Variants in ICE1 observed in about 807,000 individuals in gnomAD.
ICE1 encodes little elongation complex subunit 1.
Under a neutral mutation model 192.7 loss-of-function variants are expected in ICE1, and 64 were observed. That is an observed-to-expected ratio of 0.33 (90% confidence interval 0.27 to 0.41). ICE1 has a LOEUF of 0.41. ICE1 is among the 10% of genes least tolerant of loss of function. ICE1 has a pLI of 1.00. For missense variants in ICE1, 2,708 were observed against 2,696.0 expected (o/e 1.00, Z -0.10); for synonymous variants, 1,010 against 984.5 (o/e 1.03, Z -0.49).
chr5:5,444,803 C>T (rs1420957444), intron 7 of ICE1, among the ~76,000 whole-genome samples: 2 of 152,154 alleles, frequency 1.3e-5, no homozygotes, highest in Admixed American at 6.5e-5. Context: ...CTCACCCGTG[C>T]CTCACCCTCT....
At chr5:5,429,333 A>G (rs576746337) in intron 1 of ICE1, among the ~76,000 whole-genome samples, 1 of 152,196 alleles carries the variant, frequency 6.6e-6, no homozygotes, top group Non-Finnish European at 1.5e-5. Flanking sequence ...AATGATGGGA[A>G]GGAACTCTCC....
chr5:5,457,542 A>T lies in ICE1; in HGVS notation c.902A>T (p.Asn301Ile). The change falls in exon 12 of 19, where the codon AAT (asparagine) becomes ATT (isoleucine). Residue 301 changes from asparagine (N) to isoleucine (I), a missense_variant. Asn to Ile is a moderately radical substitution (Grantham distance 149, BLOSUM62 -3). Coordinates refer to ENST00000296564, the MANE Select transcript of ICE1 (RefSeq NM_015325.3). ...NCSSDHVFNE[N>I]GNLEVLVQSH... The stretch of plus-strand genomic sequence containing the variant: ...AGTTCTGACCATGTTTTTAATGAGA[A>T]TGGAAATCTTGAGGTTTTAGTACAA... 6.2e-7 allele frequency: 1 copy of T among 1,613,982 alleles called. No individual in the cohort carries two copies. Among genetic ancestry groups the T allele is most frequent in the Admixed American group, 1.7e-5 (1 of 60,032 alleles).
In ICE1 at chr5:5,462,087, T is replaced by G. The variant is rs1487457831; in HGVS notation, c.2753T>G (p.Val918Gly). The G allele has an allele frequency of 6.2e-7, 1 of 1,613,744 alleles. No individual in the cohort carries two copies. Among genetic ancestry groups the G allele is most frequent in the Non-Finnish European group, 8.5e-7 (1 of 1,179,782 alleles). ...GATACAACACAAAACATCACGGAGG[T>G]GGCTGCTGTGAAAAGCATTTCACCA... ...RDDTTQNITE[V>G]AAVKSISPEV... The change falls in exon 13 of 19, where the codon GTG (valine) becomes GGG (glycine). Residue 918 changes from valine (V) to glycine (G), a missense_variant. Transcript: ENST00000296564.
At position 5,462,571 on chromosome 5, in the gene ICE1, T is replaced by C. The variant is rs776938006; in HGVS notation, c.3237T>C (p.His1079=). ...TTTCTTCAGCATTTTGCAGAAAACA[T>C]GGAGAGACACAGGATACCTCCCAAA... is the stretch of plus-strand genomic sequence containing the variant. The part of the protein sequence containing the change: ...TTFSSAFCRK[H]GETQDTSQSS... Residue 1079 remains histidine, a synonymous_variant, in exon 13 of 19, where the codon CAT becomes CAC. Coordinates refer to ENST00000296564, the MANE Select transcript of ICE1 (RefSeq NM_015325.3). 13 of 1,613,834 alleles carry C rather than the reference T, an allele frequency of 8.1e-6. No homozygotes were observed. The highest frequency in any genetic ancestry group is 1.1e-5 in the Non-Finnish European group (13 of 1,179,884).
intron 10 of ICE1, among the ~76,000 whole-genome samples, chr5:5,453,351 C>A (rs184007674): frequency 1.3e-5 from 2 of 152,102 alleles, no homozygotes; most frequent in Non-Finnish European, 2.9e-5. Context: ...TTCACACTTA[C>A]CCGTGAACTG....
At chr5:5,439,828 A>AGT in intron 3 of ICE1, 67 bp from the exon 4 acceptor site, 1 of 1,027,792 alleles carries the variant, frequency 9.7e-7, no homozygotes, top group Non-Finnish European at 1.4e-6. Context: ...ATAATTGTAA[A>AGT]GTGAGTTTTA....
intron 15 of ICE1, among the ~76,000 whole-genome samples, chr5:5,473,088 A>T (rs922823702): frequency 3.3e-5 from 5 of 152,238 alleles, no homozygotes; most frequent in Non-Finnish European, 5.9e-5. Context: ...AAATATCATA[A>T]CACATTATAC....
chr5:5,424,410 T>C (rs1004453904), intron 1 of ICE1, among the ~76,000 whole-genome samples: 6 of 151,032 alleles, frequency 4.0e-5, no homozygotes, highest in Non-Finnish European at 5.9e-5. Context: ...AGGAACGTGA[T>C]TGGAGTTCTC....
At chr5:5,441,065 T>C in intron 4 of ICE1, 47 bp from the exon 5 acceptor site, 1 of 1,174,106 alleles carries the variant, frequency 8.5e-7, no homozygotes, top group South Asian at 1.4e-5. Context: ...TATTTAATAC[T>C]TCGTTATAGA....
chr5:5,454,414 G>A lies in ICE1; in HGVS notation c.605-138G>A, dbSNP rs114328132. The A allele has an allele frequency of 1.2e-3, 692 of 598,756 alleles. 1 individual carries two copies. Among genetic ancestry groups the A allele is most frequent in the Non-Finnish European group, 1.6e-3 (534 of 328,580 alleles). 37.1% of individuals were successfully genotyped at this position (598,756 alleles called of 1,614,324 possible). A position where few individuals can be genotyped will look rare whatever the true frequency, so the allele number is the denominator to read the frequency against. Reference sequence around the variant, plus strand: ...TTTTATCAGTAACTGACTGTATTGTGCACAATGGTTGAGTTTGGGGAAGAT... The same window carrying A: ...TTTTATCAGTAACTGACTGTATTGTACACAATGGTTGAGTTTGGGGAAGAT... On this transcript the variant is annotated intron_variant, in intron 10 of 18. Coordinates refer to ENST00000296564, the MANE Select transcript of ICE1 (RefSeq NM_015325.3).
At position 5,463,637 on chromosome 5, in the gene ICE1, C is replaced by T. The variant is rs1158003048; in HGVS notation, c.4303C>T (p.His1435Tyr). Residue 1435 changes from histidine (H) to tyrosine (Y), a missense_variant, in exon 13 of 19, where the codon CAT (histidine) becomes TAT (tyrosine). By Grantham distance (83) the His-to-Tyr change is moderately conservative. This residue lies in a region of ICE1 where 2,366 missense variants were observed against 2,276.6 expected (regional missense o/e 1.04). Transcript: ENST00000296564. ...CATCAGTGGTGTAGCTGTCTTGCCA[C>T]ATGTGGACCAGGTCACACTGTGTGA... ...TIISGVAVLP[H>Y]VDQVTLCDIP... is the part of the protein sequence containing the mutation. 2.5e-6 allele frequency: 4 copies of T among 1,613,996 alleles called. No individual in the cohort carries two copies. In the East Asian group the frequency reaches 6.7e-5, roughly 27 times the overall value.
intron 1 of ICE1, among the ~76,000 whole-genome samples, chr5:5,433,788 T>A (rs191915417): frequency 6.6e-6 from 1 of 152,200 alleles, no homozygotes; most frequent in Non-Finnish European, 1.5e-5. Context: ...TAACAGATGG[T>A]GACCCAACAA....
Position 5,464,684 on chromosome 5 carries a change from A to G in ICE1, c.5350A>G (p.Lys1784Glu). 2.5e-6 allele frequency: 4 copies of G among 1,613,946 alleles called. No homozygotes were observed. The highest frequency in any genetic ancestry group is 3.4e-6 in the Non-Finnish European group (4 of 1,179,858). Residue 1784 changes from lysine (K) to glutamate (E), a missense_variant, in exon 13 of 19, where the codon AAG becomes GAG. Lys to Glu is a moderately conservative substitution (Grantham distance 56). Coordinates refer to ENST00000296564, the MANE Select transcript of ICE1 (RefSeq NM_015325.3). This position sits in a 1 kb window ranked among gnomAD's most constrained non-coding sequence, Gnocchi z 4.0. ...CACACGAGGTCCGCCTGCTGACTGTAAGAATTTACCGGGACCTGCCAGTGC... is the reference window on the plus strand; with the variant it reads ...CACACGAGGTCCGCCTGCTGACTGTGAGAATTTACCGGGACCTGCCAGTGC... ...QLTRGPPADC[K>E]NLPGPASAMI...
intron 1 of ICE1, among the ~76,000 whole-genome samples, chr5:5,428,617 C>T (rs561959865): frequency 3.9e-5 from 6 of 152,250 alleles, no homozygotes; most frequent in African/African-American, 1.2e-4. Flanking sequence ...GTACATGTTC[C>T]AGGGTATACT....
intron 10 of ICE1, among the ~76,000 whole-genome samples, chr5:5,453,934 A>T (rs993712639): frequency 6.6e-6 from 1 of 152,182 alleles, no homozygotes; most frequent in African/African-American, 2.4e-5. Context: ...TTATAAAAGT[A>T]TGTGCTTCTC....
At chr5:5,488,361 C>T (rs115410655) in intron 18 of ICE1, among the ~76,000 whole-genome samples, 2,201 of 152,148 alleles carry the variant, frequency 0.014, 51 homozygotes, top group African/African-American at 0.05. Flanking sequence ...GGAGTGTTTC[C>T]TTTATATTTA....
Position 5,463,924 on chromosome 5 carries a change from C to T in ICE1, c.4590C>T (p.Phe1530=), listed in dbSNP as rs537938775. ...GTTCTCAAATCTATGATCAAAACTT[C>T]GAGACTCAGATTGTTGCGTCTGATC... ...WISSQIYDQN[F]ETQIVASDHT... Residue 1530 remains phenylalanine, a synonymous_variant, in exon 13 of 19, where the codon TTC becomes TTT. Coordinates refer to ENST00000296564, the MANE Select transcript of ICE1 (RefSeq NM_015325.3). The T allele has an allele frequency of 2.0e-5, 32 of 1,613,746 alleles. No individual in the cohort carries two copies. The African/African-American group carries it at 2.7e-4, about 13-fold the overall frequency.
At chr5:5,450,901 T>C (rs1738396649) in intron 10 of ICE1, among the ~76,000 whole-genome samples, 1 of 152,176 alleles carries the variant, frequency 6.6e-6, no homozygotes, top group Admixed American at 6.6e-5. Context: ...GACTTCACAA[T>C]GTTTTTTAGA....
At position 5,457,411 on chromosome 5, in the gene ICE1, C is replaced by A. The variant is rs907435040; in HGVS notation, c.771C>A (p.Leu257=). 6.2e-7 allele frequency: 1 copy of A among 1,613,624 alleles called. No individual in the cohort carries two copies. The highest frequency in any genetic ancestry group is 1.3e-5 in the African/African-American group (1 of 74,872). The part of the protein sequence containing the change: ...GTLPPTQGSP[L]RTSNVQTCLT... ...TACCTCCAACACAGGGCAGCCCTCT[C>A]AGGACCTCAAATGTGCAGACATGCC... Residue 257 remains leucine (L), a synonymous_variant, in exon 12 of 19, where the codon CTC becomes CTA. Coordinates refer to ENST00000296564, the MANE Select transcript of ICE1 (RefSeq NM_015325.3).
Sources: allele counts gnomAD v4.1 joint callset (sites outside exome capture counted in the v4.1 genomes callset), GRCh38; gene constraint gnomAD v4.1.1; regional missense constraint gnomAD v4.1.1; non-coding constraint Gnocchi (gnomAD v3.1); transcripts MANE v1.5; gene names NCBI Gene and HGNC (gene_info 2026-07-23, HGNC 2026-07-21).